The following SHISA9 variants were observed in gnomAD, a reference collection of about 807,000 sequenced individuals.
The protein encoded by SHISA9 is protein shisa-9.
SHISA9 carries 13 observed loss-of-function variants against 38.0 expected under a neutral mutation model. That is an observed-to-expected ratio of 0.34 (90% confidence interval 0.22 to 0.54). The LOEUF is 0.54. Among genes scored for constraint, SHISA9 ranks in the 20% least tolerant of loss-of-function variants. SHISA9 has a pLI of 0.91. For synonymous variants in SHISA9, 275 were observed against 242.0 expected, an observed-to-expected ratio of 1.14 and a Z score of -1.27; for missense variants, 538 against 575.8, an observed-to-expected ratio of 0.93 and a Z score of 0.67.
At chr16:13,411,814 C>G in the SHISA9 span, among the ~76,000 whole-genome samples, 4 of 152,318 alleles carry the variant, frequency 2.6e-5, no homozygotes, top group Non-Finnish European at 4.4e-5. Context: ...AAGCTTTATT[C>G]TAGGAGGCCA....
intron 2 of SHISA9, among the ~76,000 whole-genome samples, chr16:13,150,511 A>G (rs1340185053): frequency 6.6e-6 from 1 of 152,190 alleles, no homozygotes; most frequent in Admixed American, 6.5e-5. Flanking sequence ...GCTCACAACA[A>G]ACTCCAAGAT....
intron 4 of SHISA9, among the ~76,000 whole-genome samples, chr16:13,233,801 C>T (rs1012279590): frequency 1.2e-4 from 18 of 152,138 alleles, no homozygotes; most frequent in Middle Eastern, 6.8e-3. Flanking sequence ...GCTTGAGCCC[C>T]GGAGTTCAAG....
At chr16:13,125,071 G>A (rs1222445488) in intron 2 of SHISA9, among the ~76,000 whole-genome samples, 2 of 152,118 alleles carry the variant, frequency 1.3e-5, no homozygotes, top group African/African-American at 4.8e-5. Flanking sequence ...GATTTCTTGA[G>A]TAATACCCAA....
the SHISA9 span, among the ~76,000 whole-genome samples, chr16:13,482,441 T>C: frequency 1.9e-4 from 29 of 152,240 alleles, no homozygotes; most frequent in African/African-American, 6.8e-4. Flanking sequence ...CCTTTTCTCA[T>C]AACAACAGTT....
chr16:13,319,849 T>G, the SHISA9 span, among the ~76,000 whole-genome samples: 2 of 152,016 alleles, frequency 1.3e-5, no homozygotes, highest in South Asian at 4.1e-4. Flanking sequence ...ATGTGGCTTT[T>G]CCAGCGGGGA....
At chr16:13,338,172 A>C in the SHISA9 span, among the ~76,000 whole-genome samples, 5 of 152,194 alleles carry the variant, frequency 3.3e-5, no homozygotes, top group African/African-American at 1.2e-4. Context: ...GCACAGAAGA[A>C]ACAGAGCTGA....
the SHISA9 span, among the ~76,000 whole-genome samples, chr16:13,344,693 C>T: frequency 2.0e-5 from 3 of 152,136 alleles, no homozygotes; most frequent in African/African-American, 7.2e-5. Context: ...TAAGCACTTA[C>T]AATAGATGCT....
At chr16:13,204,814 G>A (rs1394643093) in intron 3 of SHISA9, 3 of 152,220 alleles carry the variant, frequency 2.0e-5, no homozygotes, top group Admixed American at 6.5e-5. Context: ...CCCAAGTCAA[G>A]CAGCAGTGGG....
chr16:13,092,707 G>A (rs112037236), intron 2 of SHISA9, among the ~76,000 whole-genome samples: 2,056 of 152,314 alleles, frequency 0.013, 45 homozygotes, highest in African/African-American at 0.047. Context: ...GGAGTGTCCC[G>A]TTTTTCCAGG....
downstream of SHISA9, among the ~76,000 whole-genome samples, chr16:13,241,529 C>G (rs2051435315): frequency 6.6e-6 from 1 of 152,012 alleles, no homozygotes; most frequent in Admixed American, 6.6e-5. Context: ...AAAGAAAAAT[C>G]CCTAGGCACA....
Position 13,172,613 on chromosome 16 carries a change from G to A in SHISA9, c.692-30781G>A, listed in dbSNP as rs114055989. 5.3e-3 allele frequency among the ~76,000 whole-genome samples: 808 copies of A among 152,126 alleles called. 5 individuals carry two copies. Among genetic ancestry groups the A allele is most frequent in the African/African-American group, 0.017 (685 of 41,500 alleles). On this transcript the variant is annotated intron_variant, in intron 2 of 4. Transcript: ENST00000558583. The stretch of plus-strand genomic sequence containing the variant: ...AAAACACCATTTCACCATCACCTTC[G>A]TGCTGGCAAGAAGAGCCGTCGTTGA...
intron 1 of SHISA9, chr16:12,908,469 C>T (rs1409176996): frequency 1.1e-5 from 17 of 1,552,150 alleles, no homozygotes; most frequent in Non-Finnish European, 1.5e-5. Flanking sequence ...ACCCTTCCCC[C>T]ATGAGGTAGG....
At chr16:13,084,331 T>C (rs1488007084) in intron 2 of SHISA9, among the ~76,000 whole-genome samples, 1 of 152,200 alleles carries the variant, frequency 6.6e-6, no homozygotes, top group Non-Finnish European at 1.5e-5. Flanking sequence ...TTTGTGGAAA[T>C]ATGTTCCCAT....
intron 2 of SHISA9, among the ~76,000 whole-genome samples, chr16:13,122,842 T>A (rs1266452405): frequency 6.6e-6 from 1 of 151,678 alleles, no homozygotes; most frequent in African/African-American, 2.4e-5. Context: ...AGGTCAGGAG[T>A]TTGAGACAAG....
chr16:13,414,946 A>G, the SHISA9 span, among the ~76,000 whole-genome samples: 2 of 152,118 alleles, frequency 1.3e-5, no homozygotes, highest in East Asian at 1.9e-4. Context: ...AACAAGATTT[A>G]TAGACAGCAA....
chr16:13,542,836 G>A, the SHISA9 span, among the ~76,000 whole-genome samples: 5 of 152,248 alleles, frequency 3.3e-5, no homozygotes, highest in South Asian at 8.3e-4. Context: ...TTTGGGGCTC[G>A]AGCAGCATCA....
At chr16:12,989,430 A>G (rs1596567756) in intron 2 of SHISA9, among the ~76,000 whole-genome samples, 1 of 152,120 alleles carries the variant, frequency 6.6e-6, no homozygotes, top group Middle Eastern at 3.4e-3. Context: ...TGCCTGCCTC[A>G]GCCTCCCCCG....
chr16:13,018,787 G>C (rs1311725209), intron 2 of SHISA9, among the ~76,000 whole-genome samples: 2 of 152,170 alleles, frequency 1.3e-5, no homozygotes, highest in Non-Finnish European at 2.9e-5. Flanking sequence ...CTGATTCCTA[G>C]GTGAGCACTC....
rs776238789 is a variant in SHISA9, at chr16:12,916,729, C to G, written c.605C>G (p.Thr202Ser). Reference protein sequence around the residue: ...DVMRPQGHCNTDHMERDLNIV... With the variant: ...DVMRPQGHCNSDHMERDLNIV... ...ATGAGACCACAGGGCCACTGCAACACTGATCACATGGAGAGAGACCTAAAC... is the reference window on the plus strand; with the variant it reads ...ATGAGACCACAGGGCCACTGCAACAGTGATCACATGGAGAGAGACCTAAAC... The change falls in exon 2 of 5, where the codon ACT (threonine) becomes AGT (serine). Residue 202 changes from threonine (T) to serine (S), a missense_variant. By Grantham distance (58) the Thr-to-Ser change is moderately conservative. Around this residue, in one of 4 missense-constraint regions of SHISA9, gnomAD observed 326 missense variants for 305.9 expected, o/e 1.07. Coordinates refer to ENST00000558583, the MANE Select transcript of SHISA9 (RefSeq NM_001145204.3). The G allele has an allele frequency of 3.2e-6, 5 of 1,552,042 alleles. No homozygotes were observed. In the Admixed American group the frequency reaches 9.8e-5, roughly 30 times the overall value.
Sources: gnomAD v4.1 joint callset for allele counts (sites outside exome capture counted in the v4.1 genomes callset) on GRCh38, gnomAD v4.1.1 for gene constraint, gnomAD v4.1.1 regional missense constraint, MANE v1.5 for transcripts, NCBI Gene and HGNC (gene_info 2026-07-23, HGNC 2026-07-21) for gene names.